Variants in ROBO2 observed in about 807,000 individuals in gnomAD.
ROBO2 encodes roundabout guidance receptor 2.
A neutral mutation model predicts 160.8 loss-of-function variants in ROBO2; 53 were observed. The ratio of observed to expected loss-of-function variants is 0.33; its 90% CI spans 0.26 to 0.41. The LOEUF is 0.41. ROBO2 is among the 10% of genes least tolerant of loss of function. ROBO2 has a pLI of 1.00. For missense variants in ROBO2, 1,577 were observed against 1,722.4 expected, an observed-to-expected ratio of 0.92 and a Z score of 1.49; for synonymous variants, 664 against 611.7, an observed-to-expected ratio of 1.09 and a Z score of -1.26.
At position 76,808,345 on chromosome 3, in the gene ROBO2, A is replaced by G. The variant is rs573733555; in HGVS notation, c.110-289669A>G. 1.2e-4 allele frequency among the ~76,000 whole-genome samples: 18 copies of G among 152,216 alleles called. No individual in the cohort carries two copies. The South Asian group carries it at 3.5e-3, about 30-fold the overall frequency. ...GACATAACTTTACAGTTTCAATAGT[A>G]AATAAGTTGTTAGTACAAGGGTTAT... On this transcript the variant is annotated intron_variant, in intron 2 of 26. Coordinates refer to the ROBO2 transcript ENST00000487694.
At chr3:76,293,894 A>C (rs1244812860) in intron 2 of ROBO2, among the ~76,000 whole-genome samples, 1 of 152,194 alleles carries the variant, frequency 6.6e-6, no homozygotes, top group African/African-American at 2.4e-5. Context: ...AAAGGCCTCA[A>C]AGGGCCTCCT....
At chr3:77,168,729 T>G (rs2150721089) in intron 2 of ROBO2, among the ~76,000 whole-genome samples, 1 of 152,318 alleles carries the variant, frequency 6.6e-6, no homozygotes. Context: ...GAGTCTGGGA[T>G]GTTTTAAGGA....
intron 1 of ROBO2, among the ~76,000 whole-genome samples, chr3:77,085,991 G>A (rs1050229928): frequency 1.3e-5 from 2 of 151,984 alleles, no homozygotes; most frequent in Admixed American, 6.6e-5. Flanking sequence ...TAATGGAAAA[G>A]CAACCAAAAA....
intron 2 of ROBO2, among the ~76,000 whole-genome samples, chr3:75,973,677 A>C (rs582925): frequency 0.71 from 107,754 of 151,506 alleles, 41,234 homozygotes; most frequent in South Asian, 0.89. Flanking sequence ...AAGGAAACTA[A>C]TTTTATAGAA....
At chr3:77,178,873 C>T (rs7433226) in intron 2 of ROBO2, among the ~76,000 whole-genome samples, 66,937 of 151,648 alleles carry the variant, frequency 0.44, 15,197 homozygotes, top group Middle Eastern at 0.59. Flanking sequence ...GAAATACTTA[C>T]GCTGTTCTCT....
At chr3:77,257,213 AG>A (rs1435673977) in intron 2 of ROBO2, among the ~76,000 whole-genome samples, 12 of 152,236 alleles carry the variant, frequency 7.9e-5, no homozygotes, top group Non-Finnish European at 1.8e-4. Flanking sequence ...GTATAAAAAA[AG>A]CAGAATGGGG....
At chr3:76,269,856 T>C (rs1381750045) in intron 2 of ROBO2, among the ~76,000 whole-genome samples, 1 of 152,020 alleles carries the variant, frequency 6.6e-6, no homozygotes, top group Non-Finnish European at 1.5e-5. Flanking sequence ...AACATTAACA[T>C]ATATATGATT....
rs372634663 is a variant in ROBO2, at chr3:76,946,394, TTCTC to T, written c.110-151614_110-151611del. ...AAGGACCCTGTGTAGGGCTCCCAGA[TTCTC>T]TCTCTAACTCTGTTTTTTTGTTGTT... On this transcript the variant is annotated intron_variant, in intron 2 of 26. Coordinates refer to the ROBO2 transcript ENST00000487694. 1.7e-3 allele frequency among the ~76,000 whole-genome samples: 264 copies of T among 152,174 alleles called. 1 individual carries two copies. The highest frequency in any genetic ancestry group is 5.3e-3 in the African/African-American group (221 of 41,510).
intron 2 of ROBO2, among the ~76,000 whole-genome samples, chr3:76,938,878 G>A (rs1003338578): frequency 6.6e-6 from 1 of 150,914 alleles, no homozygotes; most frequent in Non-Finnish European, 1.5e-5. Flanking sequence ...GGCTGAGGCA[G>A]GAGAATCGCT....
intron 2 of ROBO2, among the ~76,000 whole-genome samples, chr3:76,775,141 A>ATAT (rs1207544911): frequency 6.6e-6 from 1 of 150,808 alleles, no homozygotes; most frequent in African/African-American, 2.4e-5. Flanking sequence ...ATTAGAAAAT[A>ATAT]TATTTATCCA....
chr3:75,944,366 T>C (rs1948189027), intron 2 of ROBO2, among the ~76,000 whole-genome samples: 1 of 152,166 alleles, frequency 6.6e-6, no homozygotes, highest in African/African-American at 2.4e-5. Flanking sequence ...ATTCTTATTG[T>C]TCCTTTCTAA....
intron 2 of ROBO2, among the ~76,000 whole-genome samples, chr3:76,363,462 A>G (rs534123536): frequency 8.5e-5 from 13 of 152,096 alleles, no homozygotes; most frequent in African/African-American, 1.4e-4. Context: ...TCGTAACAGA[A>G]TCTTCATAAA....
chr3:76,632,515 A>G (rs759522385), intron 2 of ROBO2, among the ~76,000 whole-genome samples: 2 of 152,220 alleles, frequency 1.3e-5, no homozygotes, highest in East Asian at 1.9e-4. Flanking sequence ...ACCAAATGTC[A>G]TAGTAGTAAA....
intron 6 of ROBO2, among the ~76,000 whole-genome samples, chr3:77,533,059 C>T (rs911293771): frequency 2.0e-5 from 3 of 152,084 alleles, no homozygotes; most frequent in Non-Finnish European, 4.4e-5. Context: ...TTCTGGTTAG[C>T]TCTGAAGACT....
chr3:77,504,066 A>T (rs184306869), intron 5 of ROBO2, among the ~76,000 whole-genome samples: 3 of 152,266 alleles, frequency 2.0e-5, no homozygotes, highest in Admixed American at 2.0e-4. Flanking sequence ...TTAAAAGGCC[A>T]TATTTGGAGG....
At chr3:76,928,658 A>G (rs956461262) in intron 2 of ROBO2, among the ~76,000 whole-genome samples, 1 of 152,054 alleles carries the variant, frequency 6.6e-6, no homozygotes, top group African/African-American at 2.4e-5. Flanking sequence ...CAACAATTCT[A>G]CCAACTCACA....
intron 2 of ROBO2, among the ~76,000 whole-genome samples, chr3:76,232,213 C>T (rs1704660663): frequency 6.6e-6 from 1 of 152,096 alleles, no homozygotes; most frequent in African/African-American, 2.4e-5. Context: ...TAAAGAAGTT[C>T]TCAATAGTTA....
intron 8 of ROBO2, among the ~76,000 whole-genome samples, chr3:77,553,724 C>G (rs1043811732): frequency 6.6e-6 from 1 of 151,898 alleles, no homozygotes; most frequent in African/African-American, 2.4e-5. Context: ...TAATCCAGAG[C>G]AAGGCCCTAA....
At chr3:76,536,994 G>T (rs1012235571) in intron 2 of ROBO2, among the ~76,000 whole-genome samples, 6 of 152,088 alleles carry the variant, frequency 3.9e-5, no homozygotes, top group Admixed American at 1.3e-4. Flanking sequence ...CAGACTGAGC[G>T]TGAGGAAGGG....
Sources: gnomAD v4.1 joint callset for allele counts (sites outside exome capture counted in the v4.1 genomes callset) on GRCh38, gnomAD v4.1.1 for gene constraint, MANE v1.5 for transcripts, NCBI Gene and HGNC (gene_info 2026-07-23, HGNC 2026-07-21) for gene names.